The following ATP2B1 variants were observed in gnomAD, a reference collection of about 807,000 sequenced individuals.
The protein encoded by ATP2B1 is plasma membrane calcium-transporting ATPase 1.
A neutral mutation model predicts 124.2 loss-of-function variants in ATP2B1; 14 were observed. The observed-to-expected ratio is 0.11, with a 90% confidence interval of 0.07 to 0.18. ATP2B1 has a LOEUF of 0.18. Ranked by LOEUF, ATP2B1 falls within the 10% of genes least tolerant of loss-of-function variation. The pLI, the probability that ATP2B1 is intolerant of heterozygous loss-of-function variation, is 1.00. For synonymous variants in ATP2B1, 449 were observed against 492.4 expected (o/e 0.91, Z 1.17); for missense variants, 763 against 1,466.1 (o/e 0.52, Z 7.83).
intron 2 of ATP2B1, among the ~76,000 whole-genome samples, chr12:89,643,636 C>T (rs1447574425): frequency 6.6e-6 from 1 of 152,172 alleles, no homozygotes; most frequent in Non-Finnish European, 1.5e-5. Context: ...TCCATTTTGC[C>T]ATTCCTTCAC....
intron 5 of ATP2B1, among the ~76,000 whole-genome samples, chr12:89,631,389 C>A (rs757958073): frequency 6.6e-6 from 1 of 152,142 alleles, no homozygotes; most frequent in East Asian, 1.9e-4. Context: ...AAAGAAACAA[C>A]GTATGTATCA....
intron 8 of ATP2B1, 62 bp downstream of exon 8, chr12:89,626,392 C>T (rs1391975343): frequency 6.7e-7 from 1 of 1,499,896 alleles, no homozygotes; most frequent in Non-Finnish European, 8.9e-7. Flanking sequence ...TGTCAAAAGA[C>T]AATTTTTAAG....
intron 12 of ATP2B1, among the ~76,000 whole-genome samples, chr12:89,615,870 C>T (rs979775444): frequency 7.2e-5 from 11 of 152,118 alleles, no homozygotes; most frequent in South Asian, 4.1e-4. Flanking sequence ...ACATGTCTAA[C>T]GCTCTATACA....
chr12:89,706,420 G>A (rs1420282575), intron 1 of ATP2B1, among the ~76,000 whole-genome samples: 2 of 151,374 alleles, frequency 1.3e-5, no homozygotes, highest in East Asian at 1.9e-4. Flanking sequence ...CATACTGGTA[G>A]GTACCTTTAT....
intron 11 of ATP2B1, among the ~76,000 whole-genome samples, chr12:89,618,488 A>G (rs1303046049): frequency 3.9e-5 from 6 of 152,200 alleles, no homozygotes; most frequent in Non-Finnish European, 1.5e-5. Context: ...ATTCTCTCCT[A>G]AACCATCTAT....
intron 1 of ATP2B1, among the ~76,000 whole-genome samples, chr12:89,671,388 C>A (rs1887958968): frequency 6.6e-6 from 1 of 152,184 alleles, no homozygotes; most frequent in Non-Finnish European, 1.5e-5. Flanking sequence ...TCTACGTTCA[C>A]AATGAGGTTA....
In ATP2B1 at chr12:89,621,847, A is replaced by G; in HGVS notation, c.1345-56T>C. On this transcript the variant is annotated intron_variant, in intron 9 of 20. Coordinates refer to ENST00000428670, the MANE Select transcript of ATP2B1 (RefSeq NM_001366521.1). Reference sequence around the variant, plus strand: ...AGCTGCATATAAAACCAATCACCTCATTACATTAAAATGATTATAAATTGT... The same window carrying G: ...AGCTGCATATAAAACCAATCACCTCGTTACATTAAAATGATTATAAATTGT... The G allele has an allele frequency of 2.2e-6, 3 of 1,395,016 alleles. No homozygotes were observed. The East Asian group carries it at 7.3e-5, about 34-fold the overall frequency. The allele number at this position is 1,395,016 out of a possible 1,614,324, so 86.4% of individuals were successfully genotyped here. A position where few individuals can be genotyped will look rare whatever the true frequency, so the allele number is the denominator to read the frequency against.
intron 1 of ATP2B1, among the ~76,000 whole-genome samples, chr12:89,689,837 G>A (rs967984811): frequency 3.3e-4 from 50 of 152,132 alleles, no homozygotes; most frequent in African/African-American, 1.2e-3. Flanking sequence ...AATATTTTCT[G>A]AATATCAAAA....
Position 89,616,689 on chromosome 12 carries a change from A to G in ATP2B1, c.2067+113T>C. 8 of 1,041,568 alleles carry G rather than the reference A, an allele frequency of 7.7e-6. No individual in the cohort carries two copies. In the South Asian group the frequency reaches 1.2e-4, roughly 15 times the overall value. 64.5% of individuals were successfully genotyped at this position (1,041,568 alleles called of 1,614,324 possible). A position where few individuals can be genotyped will look rare whatever the true frequency, so the allele number is the denominator to read the frequency against. On this transcript the variant is annotated intron_variant, in intron 12 of 20. Transcript: ENST00000428670. ...TCATTTATCTTGGGTTCACACAGAAAAAAAAAAAATCACAAACACCAAGAA... is the reference window on the plus strand; with the variant it reads ...TCATTTATCTTGGGTTCACACAGAAGAAAAAAAAATCACAAACACCAAGAA...
chr12:89,593,760 T>G (rs762974552), intron 20 of ATP2B1: 2 of 152,048 alleles, frequency 1.3e-5, no homozygotes, highest in Non-Finnish European at 2.9e-5. Flanking sequence ...ACTTCAATTC[T>G]GAGAAGATTT....
intron 1 of ATP2B1, among the ~76,000 whole-genome samples, chr12:89,700,775 A>G (rs994102715): frequency 2.6e-5 from 4 of 152,218 alleles, no homozygotes; most frequent in Non-Finnish European, 5.9e-5. Flanking sequence ...TTAAAGCAGG[A>G]GCAAGTCTTA....
At chr12:89,599,757 A>T (rs1875429435) in intron 19 of ATP2B1, among the ~76,000 whole-genome samples, 1 of 152,202 alleles carries the variant, frequency 6.6e-6, no homozygotes. Flanking sequence ...TACACTGAAA[A>T]TAGTTTTGTT....
chr12:89,603,745 G>C lies in ATP2B1; in HGVS notation c.2815C>G (p.Gln939Glu). The C allele has an allele frequency of 6.2e-7, 1 of 1,614,020 alleles. No homozygotes were observed. Among genetic ancestry groups the C allele is most frequent in the Admixed American group, 1.7e-5 (1 of 60,020 alleles). The change falls in exon 17 of 21, where the codon CAA becomes GAA. Residue 939 changes from glutamine to glutamate, a missense_variant. By Grantham distance (29) the Gln-to-Glu change is conservative. Transcript: ENST00000428670. The surrounding 1 kb of genome is among the most constrained non-coding windows in gnomAD (Gnocchi z 4.3). ...MKNILGHAFY[Q>E]LVVVFTLLFA... ...AAGAGTGTAAAGACTACTACAAGTTGATAGAATGCATGACCCAAAATATTC... is the reference window on the plus strand; with the variant it reads ...AAGAGTGTAAAGACTACTACAAGTTCATAGAATGCATGACCCAAAATATTC...
intron 1 of ATP2B1, among the ~76,000 whole-genome samples, chr12:89,702,276 A>G (rs924041995): frequency 6.6e-6 from 1 of 152,232 alleles, no homozygotes; most frequent in Non-Finnish European, 1.5e-5. Flanking sequence ...CAATTTAGAA[A>G]ACACTGAGCT....
intron 2 of ATP2B1, among the ~76,000 whole-genome samples, chr12:89,643,464 G>C (rs539423171): frequency 1.2e-4 from 19 of 152,224 alleles, no homozygotes; most frequent in African/African-American, 4.3e-4. Flanking sequence ...AACTTAGGAT[G>C]ATCTTTCTTA....
intron 6 of ATP2B1, among the ~76,000 whole-genome samples, chr12:89,628,096 G>A (rs766580663): frequency 1.3e-5 from 2 of 152,018 alleles, no homozygotes; most frequent in African/African-American, 2.4e-5. Flanking sequence ...GGAGGAGGAA[G>A]GGATGTTATA....
chr12:89,691,459 T>A (rs563030209), intron 1 of ATP2B1, among the ~76,000 whole-genome samples: 2 of 152,178 alleles, frequency 1.3e-5, no homozygotes, highest in Non-Finnish European at 2.9e-5. Flanking sequence ...TTATAAGATA[T>A]TTGCCATAAG....
At chr12:89,682,459 A>G (rs1411108493) in intron 1 of ATP2B1, among the ~76,000 whole-genome samples, 1 of 152,246 alleles carries the variant, frequency 6.6e-6, no homozygotes, top group Non-Finnish European at 1.5e-5. Context: ...ATACTAAAAT[A>G]CACTGTAAAG....
chr12:89,676,842 A>G (rs1022932889), intron 1 of ATP2B1, among the ~76,000 whole-genome samples: 4 of 152,204 alleles, frequency 2.6e-5, no homozygotes, highest in Non-Finnish European at 4.4e-5. Flanking sequence ...TGTTAAAAGA[A>G]TAATTCCCAA....
Sources: allele counts gnomAD v4.1 joint callset (sites outside exome capture counted in the v4.1 genomes callset), GRCh38; gene constraint gnomAD v4.1.1; non-coding constraint Gnocchi (gnomAD v3.1); transcripts MANE v1.5; gene names NCBI Gene and HGNC (gene_info 2026-07-23, HGNC 2026-07-21).